Variants in MIDN observed in about 807,000 individuals in gnomAD.
The protein encoded by MIDN is midnolin.
MIDN carries 26 observed loss-of-function variants against 46.1 expected under a neutral mutation model. The observed-to-expected ratio is 0.56, with a 90% CI of 0.41 to 0.78. The LOEUF is 0.78. Ranked by LOEUF, MIDN falls within the 30% of genes least tolerant of loss-of-function variation. MIDN has a pLI of 0.00. For missense variants in MIDN, 850 were observed against 771.8 expected (o/e 1.10, Z -1.20); for synonymous variants, 432 against 343.3 (o/e 1.26, Z -2.86).
chr19:1,254,634 C>T (rs770414590), intron 6 of MIDN, among the ~76,000 whole-genome samples, 156 bp downstream of exon 6: 2 of 152,148 alleles, frequency 1.3e-5, no homozygotes, highest in African/African-American at 2.4e-5. Context: ...ATCCCCCAGC[C>T]TAGATTGGTG....
At position 1,257,193 on chromosome 19, in the gene MIDN, G is replaced by C; in HGVS notation, c.1457G>C (p.Gly486Ala). 6.2e-7 allele frequency: 1 copy of C among 1,612,076 alleles called. No homozygotes were observed. Among genetic ancestry groups the C allele is most frequent in the Non-Finnish European group, 8.5e-7 (1 of 1,179,624 alleles). ...GGGGSPSEAS[G>A]LGLDFEDSVW... ...GGCGGCAGCCCCAGCGAGGCCTCCG[G>C]CTTGGGCCTCGACTTCGAGGACTCC... is the stretch of plus-strand genomic sequence containing the variant. Residue 486 changes from glycine to alanine, a missense_variant, in exon 9 of 9, where the codon GGC (glycine) becomes GCC (alanine). By Grantham distance (60) the Gly-to-Ala change is moderately conservative. Transcript: ENST00000682408.
Position 1,257,328 on chromosome 19 carries a change from T to G in MIDN, c.*56T>G. 1 of 1,501,508 alleles carries G rather than the reference T, an allele frequency of 6.7e-7. No individual in the cohort carries two copies. Among genetic ancestry groups the G allele is most frequent in the Non-Finnish European group, 9.2e-7 (1 of 1,086,942 alleles). The allele number at this position is 1,501,508 out of a possible 1,614,324, so 93.0% of individuals were successfully genotyped here. A position where few individuals can be genotyped will look rare whatever the true frequency, so the allele number is the denominator to read the frequency against. On this transcript the variant is annotated 3_prime_UTR_variant, in exon 9 of 9. Coordinates refer to ENST00000682408, the MANE Select transcript of MIDN (RefSeq NM_001388306.1). ...CACCCCAGCCCAGGGCGGCGGGGAC[T>G]CCGAGAGCCCCGGAGAGAACGTGGC...
intron 1 of MIDN, among the ~76,000 whole-genome samples, chr19:1,249,205 G>A (rs2081090826): frequency 6.8e-6 from 1 of 148,080 alleles, no homozygotes; most frequent in Non-Finnish European, 1.5e-5. Context: ...GCCGGCGGGT[G>A]GGCGCGCGGG....
At chr19:1,256,914 G>T in intron 8 of MIDN, 81 bp from the exon 9 acceptor site, 2 of 1,573,986 alleles carry the variant, frequency 1.3e-6, no homozygotes, top group Non-Finnish European at 1.7e-6. Flanking sequence ...GACCTCAGGG[G>T]CATTTGCTGG....
At chr19:1,256,241 T>C (rs1269049199) in intron 8 of MIDN, among the ~76,000 whole-genome samples, 1 of 152,180 alleles carries the variant, frequency 6.6e-6, no homozygotes, top group Non-Finnish European at 1.5e-5. Context: ...CCCAGCACTT[T>C]GGGAGGCCGA....
chr19:1,250,370 C>A lies in MIDN; in HGVS notation c.74C>A (p.Ala25Glu). Residue 25 changes from alanine to glutamate, a missense_variant, in exon 2 of 9, where the codon GCG becomes GAG. Coordinates refer to ENST00000682408, the MANE Select transcript of MIDN (RefSeq NM_001388306.1). Reference protein sequence around the residue: ...APGGACELGPAAEAAPMSLAI... With the variant: ...APGGACELGPEAEAAPMSLAI... ...GGCGGCGCCTGCGAGCTGGGCCCGG[C>A]GGCCGAGGCGGCGCCCATGAGCCTC... is the stretch of plus-strand genomic sequence containing the variant. 1.7e-6 allele frequency: 2 copies of A among 1,149,668 alleles called. No individual in the cohort carries two copies. The highest frequency in any genetic ancestry group is 2.2e-6 in the Non-Finnish European group (2 of 925,620). The allele number at this position is 1,149,668 out of a possible 1,614,324, so 71.2% of individuals were successfully genotyped here.
chr19:1,258,882 G>A lies in MIDN; in HGVS notation c.*1610G>A. On this transcript the variant is annotated 3_prime_UTR_variant, in exon 9 of 9. Coordinates refer to ENST00000682408, the MANE Select transcript of MIDN (RefSeq NM_001388306.1). ...CTGTCTTGGATACCTATTTAAATGT[G>A]TGTTCTGTTTTGTTTTTTAACGATT... 1 of 151,986 alleles carries A rather than the reference G, an allele frequency of 6.6e-6. No homozygotes were observed. Among genetic ancestry groups the A allele is most frequent in the East Asian group, 1.9e-4 (1 of 5,198 alleles). The allele number at this position is 151,986 out of a possible 1,614,324, so 9.4% of individuals were successfully genotyped here. A position where few individuals can be genotyped will look rare whatever the true frequency, so the allele number is the denominator to read the frequency against.
At chr19:1,251,437 G>A (rs2081126283) in intron 2 of MIDN, 125 bp from the exon 3 acceptor site, 2 of 808,222 alleles carry the variant, frequency 2.5e-6, no homozygotes, top group Non-Finnish European at 3.8e-6. Context: ...CTGGAAGCCG[G>A]GAAGGGGTGG....
chr19:1,254,706 C>T (rs190673653), intron 6 of MIDN, among the ~76,000 whole-genome samples, 196 bp from the exon 7 acceptor site: 5 of 152,010 alleles, frequency 3.3e-5, no homozygotes, highest in Admixed American at 1.3e-4. Context: ...AGTAGATGAT[C>T]TCTTGATCTT....
chr19:1,256,006 G>A (rs1296989406), intron 8 of MIDN, among the ~76,000 whole-genome samples: 2 of 152,250 alleles, frequency 1.3e-5, no homozygotes, highest in African/African-American at 4.8e-5. Context: ...GCCGAGGCGG[G>A]GCCAGAGCCC....
chr19:1,254,673 C>G (rs1315263418), intron 6 of MIDN, among the ~76,000 whole-genome samples, 195 bp downstream of exon 6: 1 of 152,090 alleles, frequency 6.6e-6, no homozygotes, highest in Non-Finnish European at 1.5e-5. Flanking sequence ...AGTTGACGGT[C>G]ATCGCCTGAC....
chr19:1,255,434 C>G lies in MIDN; in HGVS notation c.998C>G (p.Pro333Arg). ...FSGTFSGTLH[P>R]NCQDSSGRPR... is the part of the protein sequence containing the mutation. ...CCTCTGCCCGCAGGCACGCTACACC[C>G]CAACTGCCAAGACAGCAGCGGGCGG... Residue 333 changes from proline to arginine, a missense_variant, in exon 8 of 9, where the codon CCC (proline) becomes CGC (arginine). Pro to Arg is a moderately radical substitution (Grantham distance 103, BLOSUM62 -2). Coordinates refer to ENST00000682408, the MANE Select transcript of MIDN (RefSeq NM_001388306.1). 5.0e-6 allele frequency: 8 copies of G among 1,594,814 alleles called. No homozygotes were observed. Among genetic ancestry groups the G allele is most frequent in the Non-Finnish European group, 6.8e-6 (8 of 1,171,732 alleles).
chr19:1,251,737 C>T lies in MIDN; in HGVS notation c.321+88C>T, dbSNP rs138336896. 5.0e-3 allele frequency: 7,649 copies of T among 1,521,702 alleles called. 31 individuals carry two copies. Among genetic ancestry groups the T allele is most frequent in the Non-Finnish European group, 5.4e-3 (6,006 of 1,109,424 alleles). The allele number at this position is 1,521,702 out of a possible 1,614,324, so 94.3% of individuals were successfully genotyped here. A position where few individuals can be genotyped will look rare whatever the true frequency, so the allele number is the denominator to read the frequency against. ...CGGTACCTGTCCGCACACACACTACCTGGGGCCCCCACCCCGCCAGCCAGC... is the reference window on the plus strand; with the variant it reads ...CGGTACCTGTCCGCACACACACTACTTGGGGCCCCCACCCCGCCAGCCAGC... On this transcript the variant is annotated intron_variant, in intron 3 of 8. Transcript: ENST00000682408.
Position 1,254,434 on chromosome 19 carries a change from G to C in MIDN, c.781G>C (p.Ala261Pro), listed in dbSNP as rs2081172891. 1 of 1,566,036 alleles carries C rather than the reference G, an allele frequency of 6.4e-7. No individual in the cohort carries two copies. Residue 261 changes from alanine (A) to proline (P), a missense_variant, in exon 6 of 9, where the codon GCC (alanine) becomes CCC (proline). Transcript: ENST00000682408. ...CCCTGCATCTCCCTCGCCCATCACA[G>C]CCGGCTCCTTCCGGTCCCACGCAGC... ...PSPASPSPIT[A>P]GSFRSHAAST... is the part of the protein sequence containing the mutation.
intron 8 of MIDN, 107 bp downstream of exon 8, chr19:1,255,801 G>T (rs544523837): frequency 4.7e-6 from 5 of 1,071,530 alleles, no homozygotes; most frequent in African/African-American, 1.6e-5. Flanking sequence ...CCCAGGGGCT[G>T]GGGGGGATGG....
chr19:1,257,166 G>A lies in MIDN; in HGVS notation c.1430G>A (p.Gly477Asp). The change falls in exon 9 of 9, where the codon GGC becomes GAC. Residue 477 changes from glycine to aspartate, a missense_variant. By Grantham distance (94) the Gly-to-Asp change is moderately conservative. Transcript: ENST00000682408. ...CGCAGCGACAGCAGTAGCAGCGGGGGCGGCGGCAGCCCCAGCGAGGCCTCC... is the reference window on the plus strand; with the variant it reads ...CGCAGCGACAGCAGTAGCAGCGGGGACGGCGGCAGCCCCAGCGAGGCCTCC... ...AGRSDSSSSGGGGSPSEASGL... is the reference protein window; with the variant it reads ...AGRSDSSSSGDGGSPSEASGL... 2.5e-6 allele frequency: 4 copies of A among 1,611,626 alleles called. No homozygotes were observed. The highest frequency in any genetic ancestry group is 3.4e-6 in the Non-Finnish European group (4 of 1,179,240).
At chr19:1,255,779 G>C in intron 8 of MIDN, 85 bp downstream of exon 8, 1 of 1,301,772 alleles carries the variant, frequency 7.7e-7, no homozygotes, top group Non-Finnish European at 1.0e-6. Context: ...GGGCTCAGGA[G>C]CAGCTGACCT....
chr19:1,255,498 C>T lies in MIDN; in HGVS notation c.1062C>T (p.Asn354=), dbSNP rs375761725. 9.9e-6 allele frequency: 16 copies of T among 1,611,364 alleles called. No homozygotes were observed. The highest frequency in any genetic ancestry group is 4.5e-5 in the East Asian group (2 of 44,856). Residue 354 remains asparagine, a synonymous_variant, in exon 8 of 9, where the codon AAC becomes AAT. Transcript: ENST00000682408. ...TCGGCACCATCCTGCAGATCCTGAA[C>T]GACCTCCTGAGCGCCACCCGGCACT... The part of the protein sequence containing the change: ...RDIGTILQIL[N]DLLSATRHYQ...
chr19:1,255,388 C>A (rs778040628), intron 7 of MIDN, 34 bp from the exon 8 acceptor site: 1 of 1,547,854 alleles, frequency 6.5e-7, no homozygotes, highest in Non-Finnish European at 8.7e-7. Flanking sequence ...GGACTGTGCC[C>A]GTGCCGGGCA....
Sources: allele counts gnomAD v4.1 joint callset (sites outside exome capture counted in the v4.1 genomes callset), GRCh38; gene constraint gnomAD v4.1.1; transcripts MANE v1.5; gene names NCBI Gene and HGNC (gene_info 2026-07-23, HGNC 2026-07-21).